Variants in ELF5 observed in about 807,000 individuals in gnomAD.
ELF5 encodes ETS-related transcription factor Elf-5.
A neutral mutation model predicts 38.2 loss-of-function variants in ELF5; 31 were observed. The observed-to-expected ratio is 0.81, with a 90% CI of 0.61 to 1.10. The LOEUF (loss-of-function observed/expected upper bound fraction) is 1.10, where lower values mean the gene tolerates loss of function less well. ELF5 is among the 50% of genes least tolerant of loss of function. The probability of loss-of-function intolerance (pLI) is 0.00; values close to 1 mark genes in which losing one functional copy is unlikely to be tolerated. For synonymous variants in ELF5, 121 were observed against 112.5 expected, an observed-to-expected ratio of 1.08 and a Z score of -0.48; for missense variants, 300 against 306.6, an observed-to-expected ratio of 0.98 and a Z score of 0.16.
At chr11:34,488,430 A>C (rs1850067098) in intron 4 of ELF5, among the ~76,000 whole-genome samples, 1 of 152,174 alleles carries the variant, frequency 6.6e-6, no homozygotes, top group Non-Finnish European at 1.5e-5. Flanking sequence ...TCTAAGCTTC[A>C]GTTTCTACCC....
At chr11:34,510,960 T>C (rs1850738746) in intron 1 of ELF5, among the ~76,000 whole-genome samples, 1 of 152,148 alleles carries the variant, frequency 6.6e-6, no homozygotes, top group South Asian at 2.1e-4. Flanking sequence ...AGCTGGCTCA[T>C]CATGGAAGGA....
At chr11:34,491,508 C>A (rs1850170169) in intron 3 of ELF5, 1 of 151,274 alleles carries the variant, frequency 6.6e-6, no homozygotes, top group African/African-American at 2.4e-5. Flanking sequence ...TATTAAAAAG[C>A]AGTTGGCTTT....
intron 4 of ELF5, among the ~76,000 whole-genome samples, chr11:34,483,875 A>ACTGTAC (rs555399535): frequency 0.011 from 1,704 of 151,722 alleles, 13 homozygotes; most frequent in Non-Finnish European, 0.018. Context: ...CTATTACTGT[A>ACTGTAC]CTGTACTAAC....
Position 34,481,417 on chromosome 11 carries a change from TG to T in ELF5, c.476-451del, listed in dbSNP as rs141161058. Reference sequence around the variant, plus strand: ...AATATTTCCCATTGTTATGACTGATTGCTCTACCTGGAAACTTACTGAGCTG... The same window carrying T: ...AATATTTCCCATTGTTATGACTGATTCTCTACCTGGAAACTTACTGAGCTG... On this transcript the variant is annotated intron_variant, in intron 5 of 6. Transcript: ENST00000257832. Among the ~76,000 whole-genome samples the T allele has an allele frequency of 4.5e-3, 679 of 152,304 alleles. 3 individuals are homozygous for T. The highest frequency in any genetic ancestry group is 0.016 in the African/African-American group (650 of 41,566).
At chr11:34,504,400 C>CGT (rs71674477) in intron 2 of ELF5, among the ~76,000 whole-genome samples, 21,275 of 151,676 alleles carry the variant, frequency 0.14, 3,209 homozygotes, top group African/African-American at 0.38. Flanking sequence ...TTCACATGTG[C>CGT]GTGTGTGTGT....
chr11:34,502,194 A>G (rs1207940991), intron 2 of ELF5, among the ~76,000 whole-genome samples: 2 of 152,226 alleles, frequency 1.3e-5, no homozygotes, highest in Non-Finnish European at 2.9e-5. Flanking sequence ...TATCTCAAAA[A>G]ACTGGCTGCA....
intron 2 of ELF5, among the ~76,000 whole-genome samples, chr11:34,494,812 T>C (rs987334534): frequency 6.6e-6 from 1 of 152,228 alleles, no homozygotes; most frequent in Admixed American, 6.5e-5. Context: ...TTTAGTTTCC[T>C]TACTGGTAAA....
chr11:34,511,420 G>T, intron 1 of ELF5: 1 of 1,337,274 alleles, frequency 7.5e-7, no homozygotes, highest in Non-Finnish European at 1.1e-6. Flanking sequence ...GCTGGAATCA[G>T]TTTCCCCCAA....
intron 4 of ELF5, among the ~76,000 whole-genome samples, chr11:34,483,336 T>A (rs1856982907): frequency 6.6e-6 from 1 of 151,912 alleles, no homozygotes; most frequent in South Asian, 2.1e-4. Flanking sequence ...GTGTATTTAT[T>A]CATGAAGTTC....
chr11:34,505,368 G>A (rs1003382823), intron 2 of ELF5, among the ~76,000 whole-genome samples: 1 of 152,204 alleles, frequency 6.6e-6, no homozygotes, highest in Admixed American at 6.5e-5. Flanking sequence ...TTACTTGGCA[G>A]CAAAACGAGG....
At chr11:34,482,554 C>A in intron 4 of ELF5, 55 bp from the exon 5 acceptor site, 1 of 1,425,388 alleles carries the variant, frequency 7.0e-7, no homozygotes, top group South Asian at 1.3e-5. Context: ...ACATTCAGAC[C>A]TCAAGTCATA....
chr11:34,480,549 T>C (rs2133867468), intron 6 of ELF5, among the ~76,000 whole-genome samples: 1 of 152,272 alleles, frequency 6.6e-6, no homozygotes, highest in East Asian at 1.9e-4. Context: ...GCGTGTGAGA[T>C]GGCCTGGATT....
chr11:34,489,963 T>C, intron 4 of ELF5, 46 bp downstream of exon 4: 2 of 1,606,812 alleles, frequency 1.2e-6, no homozygotes, highest in Non-Finnish European at 1.7e-6. Flanking sequence ...CATGTACCAA[T>C]GACAACCTTG....
chr11:34,483,532 C>G (rs945121142), intron 4 of ELF5, among the ~76,000 whole-genome samples: 1 of 151,960 alleles, frequency 6.6e-6, no homozygotes, highest in Admixed American at 6.6e-5. Context: ...CCATACTGTA[C>G]TATGCTAACT....
At chr11:34,490,868 C>T (rs568032391) in intron 3 of ELF5, among the ~76,000 whole-genome samples, 1 of 152,230 alleles carries the variant, frequency 6.6e-6, no homozygotes, top group African/African-American at 2.4e-5. Context: ...TCAGTTGACT[C>T]TGTCCAAAGG....
At chr11:34,499,677 G>A (rs555206804) in intron 2 of ELF5, among the ~76,000 whole-genome samples, 2 of 152,360 alleles carry the variant, frequency 1.3e-5, no homozygotes, top group South Asian at 4.1e-4. Context: ...GCTGATTGGG[G>A]AGCAGTGGTA....
intron 4 of ELF5, among the ~76,000 whole-genome samples, chr11:34,488,715 C>G (rs1266107102): frequency 6.6e-6 from 1 of 152,190 alleles, no homozygotes; most frequent in African/African-American, 2.4e-5. Flanking sequence ...GGAAGGCAGG[C>G]TGGTAAGTGA....
chr11:34,504,251 GGGAA>G (rs1370748858), intron 2 of ELF5, among the ~76,000 whole-genome samples: 1 of 152,236 alleles, frequency 6.6e-6, no homozygotes, highest in East Asian at 1.9e-4. Flanking sequence ...CAAAGTTCAA[GGGAA>G]GGAGACACAG....
In ELF5 at chr11:34,505,700, CAGA is replaced by C. The variant is rs1450549151; in HGVS notation, c.47_49del (p.Phe16del). The C allele has an allele frequency of 6.2e-7, 1 of 1,614,100 alleles. No individual in the cohort carries two copies. On this transcript the variant is annotated inframe_deletion, in exon 2 of 7. Transcript: ENST00000257832. ...ATCAGTCCACGACATCAGGGGATCG[CAGA>C]AGGATGCATTAGGCAGGAAGGTGCT...
Sources: gnomAD v4.1 joint callset for allele counts (sites outside exome capture counted in the v4.1 genomes callset) on GRCh38, gnomAD v4.1.1 for gene constraint, MANE v1.5 for transcripts, NCBI Gene and HGNC (gene_info 2026-07-23, HGNC 2026-07-21) for gene names.